Variants in STIM2 observed in about 807,000 individuals in gnomAD.
STIM2 encodes stromal interaction molecule 2.
Under a neutral mutation model 85.8 loss-of-function variants are expected in STIM2, and 31 were observed. The ratio of observed to expected loss-of-function variants is 0.36; its 90% confidence interval spans 0.27 to 0.49. STIM2 has a LOEUF of 0.49. Among genes scored for constraint, STIM2 ranks in the 20% least tolerant of loss-of-function variants. The probability of loss-of-function intolerance (pLI) is 0.98; values close to 1 mark genes in which losing one functional copy is unlikely to be tolerated. For synonymous variants in STIM2, 356 were observed against 331.1 expected, an observed-to-expected ratio of 1.08 and a Z score of -0.82; for missense variants, 841 against 927.6, an observed-to-expected ratio of 0.91 and a Z score of 1.21.
At chr4:27,011,097 A>G (rs930995930) in intron 10 of STIM2, among the ~76,000 whole-genome samples, 1 of 152,212 alleles carries the variant, frequency 6.6e-6, no homozygotes, top group Non-Finnish European at 1.5e-5. Flanking sequence ...AAATACACTT[A>G]AACCACATTG....
rs1462286378 is a variant in STIM2 at position 27,024,109 on chromosome 4, GTTATAT to G, written c.*1116_*1121del. Reference sequence around the variant, plus strand: ...TGTCAACAAATTTCTATTTTATATTGTTATATTTTTATGTAGTTTGAAATGTAAAAA... The same window carrying G: ...TGTCAACAAATTTCTATTTTATATTGTTTTATGTAGTTTGAAATGTAAAAA... On this transcript the variant is annotated 3_prime_UTR_variant, in exon 12 of 12. Transcript: ENST00000467087. The G allele has an allele frequency of 1.3e-5, 2 of 152,322 alleles. No homozygotes were observed. The highest frequency in any genetic ancestry group is 4.8e-5 in the African/African-American group (2 of 41,404). The allele number at this position is 152,322 out of a possible 1,614,324, so 9.4% of individuals were successfully genotyped here. A position where few individuals can be genotyped will look rare whatever the true frequency, so the allele number is the denominator to read the frequency against.
At position 27,017,890 on chromosome 4, in the gene STIM2, C is replaced by G. The variant is rs764914346; in HGVS notation, c.1669C>G (p.Pro557Ala). ...ACACACACCACACTCCTTGCCTTCC[C>G]CTGATCCAGATATCCTCTCAGTGTC... Residue 557 changes from proline (P) to alanine (A), a missense_variant, in exon 11 of 12, where the codon CCT becomes GCT. Coordinates refer to ENST00000467087, the MANE Select transcript of STIM2 (RefSeq NM_020860.4). 6.2e-7 allele frequency: 1 copy of G among 1,614,148 alleles called. No homozygotes were observed. Among genetic ancestry groups the G allele is most frequent in the East Asian group, 2.2e-5 (1 of 44,870 alleles).
In STIM2 at chr4:27,002,536, A is replaced by G. The variant is rs967874439; in HGVS notation, c.803+142A>G. ...GCATATTTGATTTCACATTTTTAGA[A>G]AAGTATACTTTTATAATTACAGATT... On this transcript the variant is annotated intron_variant, in intron 6 of 11. Transcript: ENST00000467087. 9.1e-5 allele frequency: 53 copies of G among 580,860 alleles called. No individual in the cohort carries two copies. The African/African-American group carries it at 1.0e-3, about 11-fold the overall frequency. The allele number at this position is 580,860 out of a possible 1,614,324, so 36.0% of individuals were successfully genotyped here.
At chr4:26,900,457 C>A (rs537463328) in intron 1 of STIM2, among the ~76,000 whole-genome samples, 1 of 152,028 alleles carries the variant, frequency 6.6e-6, no homozygotes, top group African/African-American at 2.4e-5. Context: ...ATTTTTTTCC[C>A]GCTCAGAATC....
At chr4:26,968,513 T>C (rs923356690) in intron 3 of STIM2, among the ~76,000 whole-genome samples, 8 of 152,176 alleles carry the variant, frequency 5.3e-5, no homozygotes, top group African/African-American at 1.9e-4. Flanking sequence ...TGCCAGGGTC[T>C]GTGGGGAGGA....
chr4:26,995,196 A>G (rs1308664093), intron 3 of STIM2, among the ~76,000 whole-genome samples, 183 bp from the exon 4 acceptor site: 1 of 152,066 alleles, frequency 6.6e-6, no homozygotes, highest in South Asian at 2.1e-4. Flanking sequence ...TGCTTTTACT[A>G]TCACTTCTGT....
chr4:26,879,137 T>C (rs1007742632), intron 1 of STIM2, among the ~76,000 whole-genome samples: 2 of 152,228 alleles, frequency 1.3e-5, no homozygotes, highest in Admixed American at 6.5e-5. Flanking sequence ...CAGTAAACTT[T>C]TCAATTACTT....
At chr4:26,954,041 A>G (rs1014398185) in intron 2 of STIM2, among the ~76,000 whole-genome samples, 5 of 152,142 alleles carry the variant, frequency 3.3e-5, no homozygotes, top group African/African-American at 1.2e-4. Context: ...AGGGATCTAC[A>G]CTAATGTTGG....
chr4:26,938,934 T>G (rs1236265904), intron 2 of STIM2, among the ~76,000 whole-genome samples: 1 of 152,122 alleles, frequency 6.6e-6, no homozygotes, highest in Admixed American at 6.6e-5. Flanking sequence ...AATTTTAAAA[T>G]TTTTAACTTG....
chr4:26,969,101 C>T (rs1726836734), intron 3 of STIM2, among the ~76,000 whole-genome samples: 1 of 152,148 alleles, frequency 6.6e-6, no homozygotes, highest in Non-Finnish European at 1.5e-5. Flanking sequence ...AATGTAAGCT[C>T]AGAAAGGCAA....
In STIM2 at chr4:26,952,970, C is replaced by T. The variant is rs1726112192; in HGVS notation, c.283-4642C>T. Among the ~76,000 whole-genome samples the T allele has an allele frequency of 3.3e-5, 5 of 152,174 alleles. No homozygotes were observed. In the South Asian group the frequency reaches 1.0e-3, roughly 32 times the overall value. Reference sequence around the variant, plus strand: ...GTACTTTTCTTGTGGATTTTTTCCTCTGAGACATTATACTAAGCTATTTTA... The same window carrying T: ...GTACTTTTCTTGTGGATTTTTTCCTTTGAGACATTATACTAAGCTATTTTA... On this transcript the variant is annotated intron_variant, in intron 2 of 11. Transcript: ENST00000467087.
intron 3 of STIM2, among the ~76,000 whole-genome samples, chr4:26,993,723 C>G (rs371915304): frequency 6.6e-6 from 1 of 152,140 alleles, no homozygotes; most frequent in East Asian, 1.9e-4. Context: ...ATAAACTCAT[C>G]ATTACTCTTC....
At chr4:26,863,066 A>G (rs1255785828) in intron 1 of STIM2, among the ~76,000 whole-genome samples, 3 of 152,184 alleles carry the variant, frequency 2.0e-5, no homozygotes. Context: ...GACTGCTAAT[A>G]AGTATATTTT....
chr4:26,965,257 G>A (rs1490163711), intron 3 of STIM2, among the ~76,000 whole-genome samples: 1 of 152,038 alleles, frequency 6.6e-6, no homozygotes, highest in South Asian at 2.1e-4. Context: ...TTAATAGTCC[G>A]GGTTTCTTCT....
intron 1 of STIM2, among the ~76,000 whole-genome samples, chr4:26,906,211 C>T (rs1030957414): frequency 2.6e-5 from 4 of 151,928 alleles, no homozygotes; most frequent in Non-Finnish European, 5.9e-5. Context: ...CACTTATAAG[C>T]GGGAGCTAAA....
Position 27,002,953 on chromosome 4 carries a change from G to C in STIM2, c.830G>C (p.Arg277Thr). The stretch of plus-strand genomic sequence containing the variant: ...CTTGAAAAGGCACAGGAAGAAAACA[G>C]AAATGTTGCTGTAGAAAAGCAAAAT... The change falls in exon 7 of 12, where the codon AGA becomes ACA. Residue 277 changes from arginine to threonine, a missense_variant. Physicochemically the swap from Arg to Thr is moderately conservative, Grantham distance 71 (BLOSUM62 -1). Transcript: ENST00000467087. 6.3e-7 allele frequency: 1 copy of C among 1,588,420 alleles called. No individual in the cohort carries two copies. The highest frequency in any genetic ancestry group is 1.2e-5 in the South Asian group (1 of 85,364).
chr4:26,938,014 T>C (rs1577449730), intron 2 of STIM2, among the ~76,000 whole-genome samples: 2 of 141,162 alleles, frequency 1.4e-5, no homozygotes, highest in African/African-American at 6.1e-5. Flanking sequence ...GAAATAAATT[T>C]AAATAGCTTA....
chr4:26,932,680 T>A (rs1158316971), intron 2 of STIM2, among the ~76,000 whole-genome samples: 6 of 152,210 alleles, frequency 3.9e-5, no homozygotes, highest in Admixed American at 3.9e-4. Context: ...GGCCTGGGCC[T>A]GTAAGTGACC....
At chr4:27,008,625 A>G in intron 9 of STIM2, 97 bp downstream of exon 9, 1 of 1,118,406 alleles carries the variant, frequency 8.9e-7, no homozygotes, top group South Asian at 1.6e-5. Flanking sequence ...ATAATTACAT[A>G]ATTTACATTA....
Sources: allele counts gnomAD v4.1 joint callset (sites outside exome capture counted in the v4.1 genomes callset), GRCh38; gene constraint gnomAD v4.1.1; transcripts MANE v1.5; gene names NCBI Gene and HGNC (gene_info 2026-07-23, HGNC 2026-07-21).